Variants in WASF2 observed in about 807,000 individuals in gnomAD.
WASF2 encodes the protein actin-binding protein WASF2.
In WASF2, 14 loss-of-function variants were observed where a neutral mutation model predicts 45.0. That is an observed-to-expected ratio of 0.31 (90% CI 0.21 to 0.49). The LOEUF (loss-of-function observed/expected upper bound fraction) is 0.49. WASF2 is among the 20% of genes least tolerant of loss of function. The probability of loss-of-function intolerance (pLI) is 0.99; values close to 1 mark genes in which losing one functional copy is unlikely to be tolerated. For missense variants in WASF2, 439 were observed against 636.1 expected (o/e 0.69, Z 3.33); for synonymous variants, 200 against 236.3 (o/e 0.85, Z 1.41).
intron 1 of WASF2, among the ~76,000 whole-genome samples, chr1:27,466,373 A>C (rs1474304554): frequency 6.6e-6 from 1 of 152,200 alleles, no homozygotes. Flanking sequence ...TCTGGACATT[A>C]TGAGCCTCCT....
intron 1 of WASF2, among the ~76,000 whole-genome samples, chr1:27,487,631 TATATA>T (rs1434686665): frequency 1.7e-4 from 15 of 88,144 alleles, no homozygotes; most frequent in East Asian, 7.1e-4. Flanking sequence ...TTTTATACAA[TATATA>T]ATATATATTA....
At chr1:27,411,116 G>A (rs1360858090) in intron 7 of WASF2, among the ~76,000 whole-genome samples, 1 of 152,170 alleles carries the variant, frequency 6.6e-6, no homozygotes, top group Non-Finnish European at 1.5e-5. Flanking sequence ...TGGTTTCTAG[G>A]GCCAAGAAGA....
At chr1:27,428,219 G>A (rs1457474620) in intron 2 of WASF2, among the ~76,000 whole-genome samples, 1 of 152,198 alleles carries the variant, frequency 6.6e-6, no homozygotes, top group Non-Finnish European at 1.5e-5. Context: ...CTGGGGGCTT[G>A]CAGCACAATT....
chr1:27,464,652 G>A (rs923015880), intron 1 of WASF2, among the ~76,000 whole-genome samples: 2 of 152,164 alleles, frequency 1.3e-5, no homozygotes, highest in African/African-American at 2.4e-5. Flanking sequence ...GTGAGGTCCT[G>A]AGCTGATGCT....
rs35393807 is a variant in WASF2, at chr1:27,471,344, CAAAAAAAAAAA to C, written c.-44+18631_-44+18641del. 9.4e-5 allele frequency among the ~76,000 whole-genome samples: 5 copies of C among 53,166 alleles called. No homozygotes were observed. The East Asian group carries it at 1.4e-3, about 15-fold the overall frequency. 34.9% of individuals were successfully genotyped at this position (53,166 alleles called of 152,430 possible). The stretch of plus-strand genomic sequence containing the variant: ...TGGGCGACAGAGCGAGACTCTGTCT[CAAAAAAAAAAA>C]AAAAAAAAAAGAGTAGGCTGTGCAC... On this transcript the variant is annotated intron_variant, in intron 1 of 8. Transcript: ENST00000618852.
chr1:27,420,047 G>C (rs2016884766), intron 2 of WASF2, among the ~76,000 whole-genome samples: 2 of 152,084 alleles, frequency 1.3e-5, no homozygotes, highest in African/African-American at 2.4e-5. Context: ...TGGGATTACA[G>C]ATGCGCACCA....
chr1:27,485,831 C>T (rs2017915634), intron 1 of WASF2, among the ~76,000 whole-genome samples: 1 of 152,230 alleles, frequency 6.6e-6, no homozygotes, highest in Non-Finnish European at 1.5e-5. Flanking sequence ...CCTGCTTCAG[C>T]CTCCTGAGTA....
At chr1:27,438,575 T>C (rs779487796) in intron 1 of WASF2, among the ~76,000 whole-genome samples, 20 of 152,246 alleles carry the variant, frequency 1.3e-4, no homozygotes, top group Non-Finnish European at 2.5e-4. Flanking sequence ...AGGGAAAAGA[T>C]GGTTGCAGAG....
chr1:27,423,280 C>T (rs1342357078), intron 2 of WASF2, among the ~76,000 whole-genome samples: 1 of 151,974 alleles, frequency 6.6e-6, no homozygotes, highest in East Asian at 1.9e-4. Context: ...TCACTGCAAC[C>T]TCTGCCTCCT....
At chr1:27,420,581 A>G (rs767653445) in intron 2 of WASF2, among the ~76,000 whole-genome samples, 5 of 126,592 alleles carry the variant, frequency 3.9e-5, no homozygotes, top group South Asian at 2.6e-4. Context: ...GTGCAGTGGC[A>G]CGCAATCTCA....
chr1:27,468,636 C>T (rs2017647672), intron 1 of WASF2, among the ~76,000 whole-genome samples: 3 of 146,154 alleles, frequency 2.1e-5, no homozygotes, highest in East Asian at 2.0e-4. Context: ...AGCGAAACTC[C>T]GTCTCCGGGG....
At position 27,428,949 on chromosome 1, in the gene WASF2, C is replaced by T; in HGVS notation, c.-43-16G>A. 9.4e-6 allele frequency: 15 copies of T among 1,598,594 alleles called. 1 individual carries two copies. The South Asian group carries it at 1.7e-4, about 18-fold the overall frequency. ...GAAAAACAACCTAAAAAAGAAATAA[C>T]AGGAAAGTATTACTCAACCACAAAT... On this transcript the variant is annotated splice_polypyrimidine_tract_variant and intron_variant, in intron 1 of 8. Coordinates refer to ENST00000618852, the MANE Select transcript of WASF2 (RefSeq NM_006990.5).
intron 1 of WASF2, among the ~76,000 whole-genome samples, chr1:27,475,098 G>A (rs547620120): frequency 6.6e-6 from 1 of 152,018 alleles, no homozygotes. Context: ...AACACAGTGA[G>A]ATGCAATCTC....
At chr1:27,441,023 C>T (rs551006888) in intron 1 of WASF2, among the ~76,000 whole-genome samples, 1 of 151,800 alleles carries the variant, frequency 6.6e-6, no homozygotes. Context: ...CATGCCACCA[C>T]GCTCAGCTAA....
Position 27,412,586 on chromosome 1 carries a change from T to C in WASF2, c.810A>G (p.Pro270=), listed in dbSNP as rs770675350. The change falls in exon 7 of 9, where the codon CCA becomes CCG. Residue 270 remains proline, a synonymous_variant. Transcript: ENST00000618852. ...CCACCATTTACCTGAATTCTGCTGG[T>C]GGAGGAGGCAAGTTGTCCTCGGAGA... ...PSFSEDNLPP[P]PAEFSYPVDN... is the part of the protein sequence containing the mutation. 4 of 1,614,112 alleles carry C rather than the reference T, an allele frequency of 2.5e-6. No individual in the cohort carries two copies. Among genetic ancestry groups the C allele is most frequent in the Non-Finnish European group, 3.4e-6 (4 of 1,180,056 alleles).
At chr1:27,435,719 G>A (rs2017127970) in intron 1 of WASF2, among the ~76,000 whole-genome samples, 1 of 152,148 alleles carries the variant, frequency 6.6e-6, no homozygotes, top group South Asian at 2.1e-4. Context: ...AAGGGAGGAT[G>A]CACTCATCTG....
chr1:27,412,545 G>A (rs947539298), intron 7 of WASF2, 27 bp downstream of exon 7: 2 of 1,613,668 alleles, frequency 1.2e-6, no homozygotes, highest in Non-Finnish European at 1.7e-6. Flanking sequence ...ACTACCAATA[G>A]TGGATGGAGT....
intron 1 of WASF2, among the ~76,000 whole-genome samples, chr1:27,463,102 G>A (rs568996445): frequency 6.6e-6 from 1 of 152,300 alleles, no homozygotes; most frequent in Non-Finnish European, 1.5e-5. Context: ...GTACAGGCAT[G>A]GGCCACTATG....
chr1:27,487,904 T>C (rs1401793606), intron 1 of WASF2, among the ~76,000 whole-genome samples: 1 of 150,358 alleles, frequency 6.7e-6, no homozygotes, highest in Non-Finnish European at 1.5e-5. Flanking sequence ...TAAACAACTA[T>C]TCTCAGAGGG....
Sources: allele counts gnomAD v4.1 joint callset (sites outside exome capture counted in the v4.1 genomes callset), GRCh38; gene constraint gnomAD v4.1.1; transcripts MANE v1.5; gene names NCBI Gene and HGNC (gene_info 2026-07-23, HGNC 2026-07-21).